FRMD5: variants seen among roughly 807,000 people sequenced by gnomAD.
The protein encoded by FRMD5 is FERM domain containing 5.
A neutral mutation model predicts 69.0 loss-of-function variants in FRMD5; 20 were observed. That is an observed-to-expected ratio of 0.29 (90% CI 0.20 to 0.42). The LOEUF is 0.42. Among genes scored for constraint, FRMD5 ranks in the 10% least tolerant of loss-of-function variants. The probability of loss-of-function intolerance (pLI) is 1.00; values close to 1 mark genes in which losing one functional copy is unlikely to be tolerated. For synonymous variants in FRMD5, 271 were observed against 260.1 expected (o/e 1.04, Z -0.40); for missense variants, 595 against 708.6 (o/e 0.84, Z 1.82).
intron 4 of FRMD5, among the ~76,000 whole-genome samples, chr15:43,913,016 A>C (rs2089317666): frequency 6.7e-6 from 1 of 149,960 alleles, no homozygotes; most frequent in African/African-American, 2.5e-5. Flanking sequence ...CTGGCTGACG[A>C]GAGCAAAACT....
chr15:43,965,351 A>G (rs922004945), intron 1 of FRMD5, among the ~76,000 whole-genome samples: 3 of 152,154 alleles, frequency 2.0e-5, no homozygotes, highest in African/African-American at 7.2e-5. Flanking sequence ...GGGACTGTAC[A>G]TACACTGCGC....
intron 1 of FRMD5, among the ~76,000 whole-genome samples, chr15:44,126,920 T>C (rs567360322): frequency 5.3e-5 from 8 of 152,338 alleles, no homozygotes; most frequent in African/African-American, 1.9e-4. Flanking sequence ...ACTTCCCTCA[T>C]ACCAATCACT....
At chr15:44,128,296 A>G (rs1048868502) in intron 1 of FRMD5, among the ~76,000 whole-genome samples, 1 of 152,202 alleles carries the variant, frequency 6.6e-6, no homozygotes, top group Non-Finnish European at 1.5e-5. Flanking sequence ...CCTGGCCAAC[A>G]TGGCGAAACC....
intron 1 of FRMD5, among the ~76,000 whole-genome samples, chr15:44,113,476 G>A (rs992173691): frequency 1.3e-5 from 2 of 152,154 alleles, no homozygotes; most frequent in African/African-American, 4.8e-5. Context: ...TACATGATAT[G>A]AGCATGCAAT....
At chr15:44,056,026 T>C (rs963841985) in intron 1 of FRMD5, among the ~76,000 whole-genome samples, 1 of 152,218 alleles carries the variant, frequency 6.6e-6, no homozygotes, top group Non-Finnish European at 1.5e-5. Flanking sequence ...TCCTCCCTTA[T>C]TCATTAATCA....
chr15:44,118,453 C>G (rs923459075), intron 1 of FRMD5, among the ~76,000 whole-genome samples: 2 of 152,164 alleles, frequency 1.3e-5, no homozygotes, highest in African/African-American at 4.8e-5. Flanking sequence ...TTATTTAATA[C>G]TCTGTATTAT....
intron 1 of FRMD5, among the ~76,000 whole-genome samples, chr15:44,139,899 G>T (rs2077242951): frequency 6.6e-6 from 1 of 152,062 alleles, no homozygotes. Flanking sequence ...GTCATGATGG[G>T]AGACTTTAAT....
intron 1 of FRMD5, chr15:43,988,945 G>A (rs1223415147): frequency 1.6e-5 from 9 of 578,466 alleles, no homozygotes; most frequent in Middle Eastern, 5.7e-4. Context: ...ATCCTGAGTC[G>A]AGCCAAACAA....
At chr15:44,098,724 G>T (rs2076592567) in intron 1 of FRMD5, among the ~76,000 whole-genome samples, 1 of 152,114 alleles carries the variant, frequency 6.6e-6, no homozygotes, top group African/African-American at 2.4e-5. Flanking sequence ...GTGACTTAAA[G>T]AAGACTCTAC....
chr15:43,876,335 G>C lies in FRMD5; in HGVS notation c.1136-1873C>G. On this transcript the variant is annotated intron_variant, in intron 13 of 13. Coordinates refer to ENST00000417257, the MANE Select transcript of FRMD5 (RefSeq NM_032892.5). ...AATTCCAAACTACCCCTGATGCAGA[G>C]CTGGGACCACGGTTTGAGTCTCAAG... is the stretch of plus-strand genomic sequence containing the variant. 3 of 921,718 alleles carry C rather than the reference G, an allele frequency of 3.3e-6. No homozygotes were observed. The South Asian group carries it at 4.2e-5, about 13-fold the overall frequency. 57.1% of individuals were successfully genotyped at this position (921,718 alleles called of 1,614,324 possible).
Position 44,003,452 on chromosome 15 carries a change from G to A in FRMD5, c.103-79143C>T, listed in dbSNP as rs563295192. Among the ~76,000 whole-genome samples, 3 of 152,176 alleles carry A rather than the reference G, an allele frequency of 2.0e-5. No individual in the cohort carries two copies. The South Asian group carries it at 6.2e-4, about 32-fold the overall frequency. On this transcript the variant is annotated intron_variant, in intron 1 of 13. Coordinates refer to ENST00000417257, the MANE Select transcript of FRMD5 (RefSeq NM_032892.5). ...TGTAGGTTGTTAAAACCCTGCGATG[G>A]TTCCCTATTTCACTCAAGAGTAAAA...
chr15:44,197,730 A>C (rs1000284842), upstream of FRMD5, among the ~76,000 whole-genome samples: 2 of 151,872 alleles, frequency 1.3e-5, no homozygotes, highest in African/African-American at 2.4e-5. Flanking sequence ...AAACTGAAAG[A>C]GCTTTTGTTG....
intron 1 of FRMD5, among the ~76,000 whole-genome samples, chr15:44,065,369 AAAGGAAGGGGTAATG>A (rs2140395237): frequency 1.3e-5 from 2 of 152,336 alleles, no homozygotes; most frequent in East Asian, 3.9e-4. Flanking sequence ...AAAAAGCCCA[AAAGGAAGGGGTAATG>A]AAGGAAGGAA....
intron 1 of FRMD5, among the ~76,000 whole-genome samples, chr15:44,148,385 C>T (rs1176317734): frequency 1.3e-5 from 2 of 152,022 alleles, no homozygotes; most frequent in African/African-American, 2.4e-5. Flanking sequence ...CATTCTCCTG[C>T]CTCAGCCTCC....
chr15:43,891,853 A>G, intron 8 of FRMD5, 128 bp downstream of exon 8: 1 of 721,200 alleles, frequency 1.4e-6, no homozygotes, highest in Admixed American at 2.2e-5. Flanking sequence ...AGTTACCACC[A>G]TCAACGCAAG....
intron 1 of FRMD5, among the ~76,000 whole-genome samples, chr15:44,068,534 C>T (rs1169585403): frequency 6.6e-6 from 1 of 152,114 alleles, no homozygotes; most frequent in African/African-American, 2.4e-5. Context: ...GAAATGTCCA[C>T]AATAGGCAAT....
At chr15:44,072,894 C>A (rs1233360165) in intron 1 of FRMD5, among the ~76,000 whole-genome samples, 2 of 152,110 alleles carry the variant, frequency 1.3e-5, no homozygotes, top group Non-Finnish European at 2.9e-5. Context: ...CTTTGGGAAG[C>A]CAAGGTGGGA....
intron 1 of FRMD5, among the ~76,000 whole-genome samples, chr15:44,142,370 G>C (rs2077286759): frequency 6.6e-6 from 1 of 152,140 alleles, no homozygotes; most frequent in Non-Finnish European, 1.5e-5. Flanking sequence ...GAGATAGTCT[G>C]ACATCACTTG....
intron 1 of FRMD5, among the ~76,000 whole-genome samples, chr15:43,941,755 C>T (rs562985452): frequency 2.0e-5 from 3 of 152,064 alleles, no homozygotes; most frequent in East Asian, 1.9e-4. Context: ...AAACTAAGGG[C>T]GGGGGGGCGT....
Sources: allele counts gnomAD v4.1 joint callset (sites outside exome capture counted in the v4.1 genomes callset), GRCh38; gene constraint gnomAD v4.1.1; transcripts MANE v1.5; gene names NCBI Gene and HGNC (gene_info 2026-07-23, HGNC 2026-07-21).